Variants in CAMK4 observed in about 807,000 individuals in gnomAD.
CAMK4 encodes the protein calcium/calmodulin dependent protein kinase IV.
CAMK4 carries 22 observed loss-of-function variants against 44.9 expected under a neutral mutation model. That is an observed-to-expected ratio of 0.49 (90% CI 0.35 to 0.70). The LOEUF (loss-of-function observed/expected upper bound fraction) is 0.70. Among genes scored for constraint, CAMK4 ranks in the 30% least tolerant of loss-of-function variants. The pLI is 0.01. For synonymous variants in CAMK4, 218 were observed against 215.4 expected (o/e 1.01, Z -0.11); for missense variants, 498 against 586.8 (o/e 0.85, Z 1.56).
chr5:111,409,617 T>C (rs1056553258), intron 5 of CAMK4, among the ~76,000 whole-genome samples: 3 of 152,234 alleles, frequency 2.0e-5, no homozygotes, highest in African/African-American at 7.2e-5. Flanking sequence ...CTTGAATGTC[T>C]CCCCAGAAAA....
chr5:111,416,060 C>T (rs1218478018), intron 5 of CAMK4, among the ~76,000 whole-genome samples: 3 of 152,048 alleles, frequency 2.0e-5, no homozygotes, highest in Non-Finnish European at 4.4e-5. Context: ...GAGAAGACTG[C>T]ATAAAGGCAT....
At chr5:111,309,379 C>T (rs1748101719) in intron 1 of CAMK4, among the ~76,000 whole-genome samples, 1 of 152,114 alleles carries the variant, frequency 6.6e-6, no homozygotes, top group South Asian at 2.1e-4. Context: ...GTGGTGGGAA[C>T]CTTTCAGGTG....
intron 7 of CAMK4, among the ~76,000 whole-genome samples, chr5:111,454,991 T>G (rs1380340577): frequency 6.6e-6 from 1 of 152,258 alleles, no homozygotes; most frequent in Non-Finnish European, 1.5e-5. Context: ...GAGTTTGTTT[T>G]CTTTTGGCAT....
intron 1 of CAMK4, among the ~76,000 whole-genome samples, chr5:111,339,513 C>G (rs1367214159): frequency 6.6e-6 from 1 of 151,276 alleles, no homozygotes; most frequent in Non-Finnish European, 1.5e-5. Context: ...TTCTTGGCAT[C>G]TTTGTCAAAA....
rs766121127 is a variant in CAMK4, at chr5:111,224,463, T to C, written c.-21T>C. The C allele has an allele frequency of 6.4e-7, 1 of 1,571,644 alleles. No individual in the cohort carries two copies. The highest frequency in any genetic ancestry group is 1.1e-5 in the South Asian group (1 of 87,110). ...CAGCGGCGGCGGCGGCGGCGGCGGC[T>C]TCCGGAGTCCCGCTGCGAAGATGCT... is the stretch of plus-strand genomic sequence containing the variant. On this transcript the variant is annotated 5_prime_UTR_variant, in exon 1 of 11. Transcript: ENST00000282356. The surrounding 1 kb of genome is among the most constrained non-coding windows in gnomAD (Gnocchi z 5.7).
chr5:111,339,378 T>A (rs1749543911), intron 1 of CAMK4, among the ~76,000 whole-genome samples: 2 of 151,400 alleles, frequency 1.3e-5, no homozygotes, highest in Admixed American at 1.3e-4. Flanking sequence ...CATTTGTATT[T>A]AATTCATTTT....
intron 1 of CAMK4, among the ~76,000 whole-genome samples, chr5:111,274,553 CT>C (rs1436271352): frequency 2.0e-4 from 30 of 152,230 alleles, no homozygotes; most frequent in South Asian, 1.0e-3. Flanking sequence ...TGAACATCTT[CT>C]TATATGTCTA....
intron 1 of CAMK4, among the ~76,000 whole-genome samples, chr5:111,328,748 T>C (rs1373292279): frequency 6.6e-6 from 1 of 152,080 alleles, no homozygotes; most frequent in Admixed American, 6.6e-5. Context: ...GTTGGATTCC[T>C]AGGTATTTTA....
chr5:111,229,072 G>A (rs1748336937), intron 1 of CAMK4, among the ~76,000 whole-genome samples: 1 of 152,222 alleles, frequency 6.6e-6, no homozygotes, highest in South Asian at 2.1e-4. Flanking sequence ...AAGGAAACAC[G>A]AAAGCGTGCA....
rs561637649 is a variant in CAMK4, at chr5:111,235,250, C to A, written c.161+10606C>A. 7.2e-5 allele frequency among the ~76,000 whole-genome samples: 11 copies of A among 152,134 alleles called. No individual in the cohort carries two copies. In the South Asian group the frequency reaches 1.9e-3, roughly 26 times the overall value. On this transcript the variant is annotated intron_variant, in intron 1 of 10. Coordinates refer to ENST00000282356, the MANE Select transcript of CAMK4 (RefSeq NM_001744.6). ...AAAACTGCTCTAAGATTAGTGTTTA[C>A]CTGGATTTTCATATTTGCTGCTTAT... is the stretch of plus-strand genomic sequence containing the variant.
intron 1 of CAMK4, among the ~76,000 whole-genome samples, chr5:111,310,512 T>A (rs1466396281): frequency 6.6e-6 from 1 of 152,122 alleles, no homozygotes; most frequent in African/African-American, 2.4e-5. Flanking sequence ...TTGAAAGGTT[T>A]TAAAAAGAAG....
intron 1 of CAMK4, among the ~76,000 whole-genome samples, chr5:111,308,765 G>A (rs961645516): frequency 8.5e-5 from 13 of 152,086 alleles, no homozygotes; most frequent in Admixed American, 2.6e-4. Flanking sequence ...TACTGAATTC[G>A]TTAAAAGTGC....
chr5:111,312,749 G>A (rs1011041815), intron 1 of CAMK4, among the ~76,000 whole-genome samples: 9 of 152,128 alleles, frequency 5.9e-5, no homozygotes, highest in African/African-American at 2.2e-4. Flanking sequence ...AAAATACAGA[G>A]TAGGAATGAA....
Position 111,435,133 on chromosome 5 carries a change from T to C in CAMK4, c.460-11553T>C, listed in dbSNP as rs1201694412. On this transcript the variant is annotated intron_variant, in intron 5 of 10. Coordinates refer to ENST00000282356, the MANE Select transcript of CAMK4 (RefSeq NM_001744.6). ...TCTTTTAAAAGGGAATTTGAGATTT[T>C]GGTTATTGCATTTTTTTAAAGACTA... is the stretch of plus-strand genomic sequence containing the variant. 3.9e-5 allele frequency among the ~76,000 whole-genome samples: 6 copies of C among 152,336 alleles called. No individual in the cohort carries two copies. In the South Asian group the frequency reaches 6.2e-4, roughly 16 times the overall value.
At chr5:111,394,020 G>A (rs1751905866) in intron 4 of CAMK4, among the ~76,000 whole-genome samples, 1 of 151,674 alleles carries the variant, frequency 6.6e-6, no homozygotes, top group Non-Finnish European at 1.5e-5. Context: ...AAAGAGGGTT[G>A]GCGGGGGGAA....
At chr5:111,453,037 C>A (rs1309339313) in intron 7 of CAMK4, among the ~76,000 whole-genome samples, 1 of 152,032 alleles carries the variant, frequency 6.6e-6, no homozygotes, top group South Asian at 2.1e-4. Context: ...TCTTGGAAGT[C>A]AAAAACAAGT....
intron 2 of CAMK4, chr5:111,365,215 T>C (rs999449745): frequency 6.6e-6 from 1 of 152,100 alleles, no homozygotes; most frequent in African/African-American, 2.4e-5. Context: ...AAGGCATTAT[T>C]AGTATATACT....
At chr5:111,472,235 C>A (rs1354282208) in intron 7 of CAMK4, among the ~76,000 whole-genome samples, 1 of 152,100 alleles carries the variant, frequency 6.6e-6, no homozygotes, top group African/African-American at 2.4e-5. Flanking sequence ...TGTGACATTT[C>A]CAGCCAGCAT....
At chr5:111,427,222 G>C (rs1173462623) in intron 5 of CAMK4, among the ~76,000 whole-genome samples, 1 of 152,104 alleles carries the variant, frequency 6.6e-6, no homozygotes, top group African/African-American at 2.4e-5. Flanking sequence ...CTAGCTCCCA[G>C]ACAACATTTC....
Sources: gnomAD v4.1 joint callset for allele counts (sites outside exome capture counted in the v4.1 genomes callset) on GRCh38, gnomAD v4.1.1 for gene constraint, Gnocchi (gnomAD v3.1) non-coding constraint, MANE v1.5 for transcripts, NCBI Gene and HGNC (gene_info 2026-07-23, HGNC 2026-07-21) for gene names.